The following BMPR2 variants were observed in gnomAD, a reference collection of about 807,000 sequenced individuals.
BMPR2 encodes bone morphogenetic protein receptor type-2.
A neutral mutation model predicts 100.8 loss-of-function variants in BMPR2; 29 were observed. That is an observed-to-expected ratio of 0.29 (90% CI 0.21 to 0.39). The LOEUF is 0.39. Ranked by LOEUF, BMPR2 falls within the 10% of genes least tolerant of loss-of-function variation. The pLI is 1.00. For missense variants in BMPR2, 1,011 were observed against 1,274.5 expected, an observed-to-expected ratio of 0.79 and a Z score of 3.15; for synonymous variants, 382 against 442.3, an observed-to-expected ratio of 0.86 and a Z score of 1.71.
chr2:202,555,190 T>A lies in BMPR2; in HGVS notation c.1587-62T>A, dbSNP rs567336267. 9.1e-5 allele frequency: 133 copies of A among 1,457,202 alleles called. No homozygotes were observed. The African/African-American group carries it at 1.4e-3, about 16-fold the overall frequency. The allele number at this position is 1,457,202 out of a possible 1,614,324, so 90.3% of individuals were successfully genotyped here. On this transcript the variant is annotated intron_variant, in intron 11 of 12. Transcript: ENST00000374580. The stretch of plus-strand genomic sequence containing the variant: ...GACTTTAAAATCAGAGGTGTTAAAT[T>A]TGGAGAGACAGTTTGTCATAAATGT...
chr2:202,461,167 G>A (rs1192745298), intron 1 of BMPR2, among the ~76,000 whole-genome samples: 1 of 151,226 alleles, frequency 6.6e-6, no homozygotes, highest in African/African-American at 2.4e-5. Flanking sequence ...TATATTGAAA[G>A]TATTGATTAT....
In BMPR2 at chr2:202,504,678, C is replaced by CTTTTT. The variant is rs144161668; in HGVS notation, c.419-9024_419-9020dup. 1.8e-3 allele frequency among the ~76,000 whole-genome samples: 198 copies of CTTTTT among 112,448 alleles called. 4 individuals are homozygous for CTTTTT. Among genetic ancestry groups the CTTTTT allele is most frequent in the African/African-American group, 6.3e-3 (182 of 28,966 alleles). 73.8% of individuals were successfully genotyped at this position (112,448 alleles called of 152,430 possible). A position where few individuals can be genotyped will look rare whatever the true frequency, so the allele number is the denominator to read the frequency against. On this transcript the variant is annotated intron_variant, in intron 3 of 12. Transcript: ENST00000374580. ...CAGGAGTTTTCCATCATAGTAGATT[C>CTTTTT]TTTTTTTTTTTTTTTTTTTTTGAGA...
intron 5 of BMPR2, among the ~76,000 whole-genome samples, chr2:202,517,976 C>CTTTTTTTTTTTTTT (rs67110605): frequency 1.1e-5 from 1 of 88,462 alleles, no homozygotes; most frequent in African/African-American, 4.7e-5. Context: ...CCACGCCTGA[C>CTTTTTTTTTTTTTT]TTTTTTTTTT....
intron 3 of BMPR2, among the ~76,000 whole-genome samples, chr2:202,468,897 C>T (rs1451266842): frequency 1.3e-5 from 2 of 151,452 alleles, no homozygotes; most frequent in African/African-American, 4.9e-5. Flanking sequence ...AAAAAAGAAA[C>T]AAAGAATAAA....
At chr2:202,470,540 T>C (rs1296342833) in intron 3 of BMPR2, among the ~76,000 whole-genome samples, 2 of 150,222 alleles carry the variant, frequency 1.3e-5, no homozygotes, top group Non-Finnish European at 3.0e-5. Context: ...GGCAGCTGGA[T>C]CATGAGGTCA....
chr2:202,473,356 A>G (rs1328539350), intron 3 of BMPR2, among the ~76,000 whole-genome samples: 1 of 152,024 alleles, frequency 6.6e-6, no homozygotes, highest in Non-Finnish European at 1.5e-5. Context: ...TCACTTGAGT[A>G]TGGGAGGATC....
At chr2:202,418,271 A>G (rs1691179435) in intron 1 of BMPR2, among the ~76,000 whole-genome samples, 1 of 152,164 alleles carries the variant, frequency 6.6e-6, no homozygotes, top group Non-Finnish European at 1.5e-5. Flanking sequence ...GATTTGCCCA[A>G]TATAATAGCC....
At chr2:202,426,560 C>T (rs1180077885) in intron 1 of BMPR2, among the ~76,000 whole-genome samples, 2 of 136,794 alleles carry the variant, frequency 1.5e-5, no homozygotes, top group African/African-American at 5.5e-5. Flanking sequence ...CAGAGCAAGT[C>T]TCCGTCTCAA....
chr2:202,530,077 T>C (rs1687993234), intron 7 of BMPR2, among the ~76,000 whole-genome samples: 1 of 152,222 alleles, frequency 6.6e-6, no homozygotes, highest in Non-Finnish European at 1.5e-5. Context: ...GTGTCTACTC[T>C]GTGCCAAGCC....
intron 10 of BMPR2, among the ~76,000 whole-genome samples, chr2:202,543,875 T>A (rs1161713251): frequency 6.6e-6 from 1 of 152,200 alleles, no homozygotes; most frequent in East Asian, 1.9e-4. Context: ...CATTAGTTAC[T>A]AAAATCTCCC....
chr2:202,382,591 A>C (rs1028096315), intron 1 of BMPR2, among the ~76,000 whole-genome samples: 1 of 152,350 alleles, frequency 6.6e-6, no homozygotes, highest in African/African-American at 2.4e-5. Context: ...TAGACATTTA[A>C]GAAATACTTA....
chr2:202,502,432 T>A (rs1687413665), intron 3 of BMPR2, among the ~76,000 whole-genome samples: 1 of 150,510 alleles, frequency 6.6e-6, no homozygotes. Flanking sequence ...AGAAAGAGAG[T>A]TAAAAAGAGA....
chr2:202,446,760 TC>T (rs1368907474), intron 1 of BMPR2, among the ~76,000 whole-genome samples: 6 of 149,146 alleles, frequency 4.0e-5, no homozygotes, highest in Admixed American at 2.6e-4. Context: ...AAGTGATTCT[TC>T]CGCCTCAGCC....
At chr2:202,479,623 A>T (rs1418489270) in intron 3 of BMPR2, among the ~76,000 whole-genome samples, 1 of 152,094 alleles carries the variant, frequency 6.6e-6, no homozygotes, top group Non-Finnish European at 1.5e-5. Flanking sequence ...TTTACACATT[A>T]AAACCTCCAA....
intron 1 of BMPR2, among the ~76,000 whole-genome samples, chr2:202,384,376 G>T (rs1186441145): frequency 1.3e-5 from 2 of 152,160 alleles, no homozygotes; most frequent in African/African-American, 4.8e-5. Flanking sequence ...GAAAAATTAT[G>T]AGACATGATA....
At chr2:202,453,740 A>G (rs1460378579) in intron 1 of BMPR2, among the ~76,000 whole-genome samples, 1 of 152,200 alleles carries the variant, frequency 6.6e-6, no homozygotes, top group Admixed American at 6.5e-5. Flanking sequence ...GATGGAATGA[A>G]TAAGATCTAA....
intron 3 of BMPR2, chr2:202,505,386 T>C (rs1262883088): frequency 6.6e-6 from 1 of 151,482 alleles, no homozygotes; most frequent in Non-Finnish European, 1.5e-5. Context: ...AACAGGATTT[T>C]ACTCTGTCTT....
intron 1 of BMPR2, 39 bp from the exon 2 acceptor site, chr2:202,464,770 A>G (rs376957186): frequency 6.8e-5 from 106 of 1,569,042 alleles, no homozygotes; most frequent in Non-Finnish European, 8.1e-5. Flanking sequence ...TTTTGAAAAC[A>G]TTAAATAATT....
intron 1 of BMPR2, among the ~76,000 whole-genome samples, chr2:202,437,341 TG>T (rs1691635387): frequency 6.6e-6 from 1 of 150,856 alleles, no homozygotes; most frequent in African/African-American, 2.5e-5. Context: ...AATTTCAACC[TG>T]ACCATTTGTA....
Sources: gnomAD v4.1 joint callset for allele counts (sites outside exome capture counted in the v4.1 genomes callset) on GRCh38, gnomAD v4.1.1 for gene constraint, MANE v1.5 for transcripts, NCBI Gene and HGNC (gene_info 2026-07-23, HGNC 2026-07-21) for gene names.